Variants in SLC28A3 observed in about 807,000 individuals in gnomAD.
SLC28A3 encodes solute carrier family 28 member 3, also known as concentrative Na(+)-nucleoside cotransporter 3.
In SLC28A3, 68 loss-of-function variants were observed where a neutral mutation model predicts 84.2. The ratio of observed to expected loss-of-function variants is 0.81; its 90% CI spans 0.66 to 0.99. SLC28A3 has a LOEUF of 0.99. Among genes scored for constraint, SLC28A3 ranks in the 50% least tolerant of loss-of-function variants. SLC28A3 has a pLI of 0.00. For synonymous variants in SLC28A3, 267 were observed against 303.6 expected (o/e 0.88, Z 1.25); for missense variants, 712 against 841.5 (o/e 0.85, Z 1.90).
chr9:84,312,542 CT>C (rs35691184), intron 2 of SLC28A3, among the ~76,000 whole-genome samples: 18,684 of 134,132 alleles, frequency 0.14, 1,318 homozygotes, highest in African/African-American at 0.25. Context: ...CCCCAAATTC[CT>C]TTTTTTTTTT....
At position 84,295,084 on chromosome 9, in the gene SLC28A3, A is replaced by G. The variant is rs574277580; in HGVS notation, c.862-809T>C. 5.3e-5 allele frequency among the ~76,000 whole-genome samples: 8 copies of G among 152,118 alleles called. No individual in the cohort carries two copies. The South Asian group carries it at 1.7e-3, about 32-fold the overall frequency. On this transcript the variant is annotated intron_variant, in intron 8 of 17. Transcript: ENST00000376238. Reference sequence around the variant, plus strand: ...ATGTGAGTCCCCCTCAATAAACCCTATGTCTCATTTGCTGGCTCCAGGTCT... The same window carrying G: ...ATGTGAGTCCCCCTCAATAAACCCTGTGTCTCATTTGCTGGCTCCAGGTCT...
At chr9:84,323,956 T>C (rs1232717194) in intron 1 of SLC28A3, among the ~76,000 whole-genome samples, 1 of 152,200 alleles carries the variant, frequency 6.6e-6, no homozygotes, top group Non-Finnish European at 1.5e-5. Context: ...AAGCTACCTC[T>C]CCTACCCACT....
At chr9:84,308,541 A>G (rs1258358807) in intron 3 of SLC28A3, among the ~76,000 whole-genome samples, 1 of 152,080 alleles carries the variant, frequency 6.6e-6, no homozygotes, top group Non-Finnish European at 1.5e-5. Flanking sequence ...GCAAGACTCC[A>G]TCTCAAAAAA....
intron 3 of SLC28A3, among the ~76,000 whole-genome samples, chr9:84,306,994 C>CA (rs150442323): frequency 0.054 from 1,390 of 25,946 alleles, 254 homozygotes; most frequent in African/African-American, 0.062. Flanking sequence ...CTTGTCTCTA[C>CA]AAAAAAAAAA....
Position 84,309,727 on chromosome 9 carries a change from C to T in SLC28A3, c.157-13G>A, listed in dbSNP as rs780246662. On this transcript the variant is annotated splice_polypyrimidine_tract_variant and intron_variant, in intron 2 of 17. Coordinates refer to ENST00000376238, the MANE Select transcript of SLC28A3 (RefSeq NM_001199633.2). ...CCTGTTCTTCATCCTGGAAATCAAA[C>T]ATTGGAGCAGAGATGGAATAATGAG... 1.2e-6 allele frequency: 2 copies of T among 1,612,094 alleles called. No individual in the cohort carries two copies. The highest frequency in any genetic ancestry group is 1.1e-5 in the South Asian group (1 of 90,874).
chr9:84,288,177 A>G lies in SLC28A3; in HGVS notation c.1151T>C (p.Val384Ala), dbSNP rs1306017834. The change falls in exon 12 of 18, where the codon GTT becomes GCT. Residue 384 changes from valine to alanine, a missense_variant and splice_region_variant. Transcript: ENST00000376238. The stretch of plus-strand genomic sequence containing the variant: ...CGCTGTTAACAAGTGGGAGGATGGA[A>G]CCTGCAATTTCAGAAGAAAGAAGGC... ...SVLGAYISFG[V>A]PSSHLLTASV... The G allele has an allele frequency of 6.2e-7, 1 of 1,613,928 alleles. No individual in the cohort carries two copies. Among genetic ancestry groups the G allele is most frequent in the South Asian group, 1.1e-5 (1 of 91,072 alleles).
At chr9:84,282,072 G>A (rs1386485966) in intron 14 of SLC28A3, among the ~76,000 whole-genome samples, 1 of 152,232 alleles carries the variant, frequency 6.6e-6, no homozygotes, top group Non-Finnish European at 1.5e-5. Flanking sequence ...AACCCGGGAG[G>A]CAGAGGTTGC....
At chr9:84,295,932 G>A (rs972552894) in intron 8 of SLC28A3, among the ~76,000 whole-genome samples, 2 of 152,202 alleles carry the variant, frequency 1.3e-5, no homozygotes, top group Non-Finnish European at 2.9e-5. Flanking sequence ...CTCACGATGA[G>A]CCTTTTATTG....
chr9:84,343,920 G>A (rs1285846509), upstream of SLC28A3, among the ~76,000 whole-genome samples: 3 of 151,166 alleles, frequency 2.0e-5, no homozygotes, highest in South Asian at 2.1e-4. Context: ...GGAAGACCCC[G>A]TCTCTACAAA....
chr9:84,292,750 TA>T lies in SLC28A3; in HGVS notation c.943-3del, dbSNP rs1342478725. 5.8e-6 allele frequency: 9 copies of T among 1,551,908 alleles called. No individual in the cohort carries two copies. Among genetic ancestry groups the T allele is most frequent in the Non-Finnish European group, 7.8e-6 (9 of 1,155,306 alleles). ...AGTAACTAGCATGATCCATCCAACC[TA>T]AAAGGAAGAAAGGGACAAAGTCAGC... On this transcript the variant is annotated splice_region_variant and splice_polypyrimidine_tract_variant and intron_variant, in intron 9 of 17. Coordinates refer to ENST00000376238, the MANE Select transcript of SLC28A3 (RefSeq NM_001199633.2).
chr9:84,336,778 T>C (rs1357357974), intron 1 of SLC28A3, among the ~76,000 whole-genome samples: 4 of 152,200 alleles, frequency 2.6e-5, no homozygotes, highest in Non-Finnish European at 1.5e-5. Flanking sequence ...CTGCCCCCTT[T>C]CCCTATACCG....
chr9:84,330,534 ATTTAAT>A (rs941778487), intron 1 of SLC28A3, among the ~76,000 whole-genome samples: 1 of 152,198 alleles, frequency 6.6e-6, no homozygotes, highest in African/African-American at 2.4e-5. Flanking sequence ...AAGGACCTGA[ATTTAAT>A]TTTAACTAAT....
Position 84,313,467 on chromosome 9 carries a change from T to G in SLC28A3, c.61-13A>C. 6.2e-7 allele frequency: 1 copy of G among 1,607,974 alleles called. No homozygotes were observed. The highest frequency in any genetic ancestry group is 1.3e-5 in the African/African-American group (1 of 74,742). ...AGTTTTCTTCATTCTAAGAAAAAAG[T>G]GCAGATTGAAAAAATAAAAAGTTAC... On this transcript the variant is annotated splice_polypyrimidine_tract_variant and intron_variant, in intron 1 of 17. Coordinates refer to ENST00000376238, the MANE Select transcript of SLC28A3 (RefSeq NM_001199633.2).
At chr9:84,341,625 G>T (rs947601117), upstream of SLC28A3, among the ~76,000 whole-genome samples, 2 of 152,072 alleles carry the variant, frequency 1.3e-5, no homozygotes, top group Admixed American at 6.5e-5. Context: ...CTTCAGACTG[G>T]GCTGCTTTCA....
chr9:84,311,975 A>G (rs1418781087), intron 2 of SLC28A3, among the ~76,000 whole-genome samples: 1 of 152,260 alleles, frequency 6.6e-6, no homozygotes, highest in Non-Finnish European at 1.5e-5. Context: ...GGGATCGCAC[A>G]ATAGGTAGCC....
At chr9:84,357,160 T>C in the SLC28A3 span, among the ~76,000 whole-genome samples, 1 of 152,094 alleles carries the variant, frequency 6.6e-6, no homozygotes, top group Non-Finnish European at 1.5e-5. Context: ...AGTGCATGGG[T>C]AGGGGTTTAA....
At chr9:84,334,628 AT>A (rs201607400) in intron 1 of SLC28A3, among the ~76,000 whole-genome samples, 13,269 of 148,378 alleles carry the variant, frequency 0.089, 662 homozygotes, top group East Asian at 0.19. Flanking sequence ...TTCACAACGA[AT>A]TTTTTTTTTT....
At chr9:84,310,482 G>T in intron 2 of SLC28A3, 1 of 985,362 alleles carries the variant, frequency 1.0e-6, no homozygotes, top group Non-Finnish European at 1.2e-6. Context: ...AGAAGCTGGT[G>T]GGGGAGGAAA....
chr9:84,329,671 T>C (rs1826701234), intron 1 of SLC28A3, among the ~76,000 whole-genome samples: 1 of 142,866 alleles, frequency 7.0e-6, no homozygotes, highest in Non-Finnish European at 1.5e-5. Context: ...GACTCTGTCT[T>C]ATAAAAAAAA....
Sources: allele counts gnomAD v4.1 joint callset (sites outside exome capture counted in the v4.1 genomes callset), GRCh38; gene constraint gnomAD v4.1.1; transcripts MANE v1.5; gene names NCBI Gene and HGNC (gene_info 2026-07-23, HGNC 2026-07-21).